The following IL1RAPL2 variants were observed in gnomAD, a reference collection of about 807,000 sequenced individuals.
IL1RAPL2 encodes X-linked interleukin-1 receptor accessory protein-like 2.
In IL1RAPL2, 3 loss-of-function variants were observed where a neutral mutation model predicts 44.1. The observed-to-expected ratio is 0.07, with a 90% confidence interval of 0.03 to 0.18. IL1RAPL2 has a LOEUF of 0.18. Ranked by LOEUF, IL1RAPL2 falls within the 10% of genes least tolerant of loss-of-function variation. IL1RAPL2 has a pLI of 1.00. For synonymous variants in IL1RAPL2, 181 were observed against 178.8 expected (o/e 1.01, Z -0.10); for missense variants, 391 against 496.4 (o/e 0.79, Z 2.02).
chrX:105,227,085 G>A (rs1297123275), intron 3 of IL1RAPL2, among the ~76,000 whole-genome samples: 1 of 73,803 alleles, frequency 1.4e-5, no homozygotes, highest in African/African-American at 5.2e-5. Context: ...GTGGGGGGAG[G>A]GGGGAGGGAT....
chrX:104,714,607 G>A (rs1201316409), intron 2 of IL1RAPL2, among the ~76,000 whole-genome samples: 1 of 111,301 alleles, frequency 9.0e-6, no homozygotes, highest in South Asian at 3.7e-4. Flanking sequence ...AAAGTATTCT[G>A]TCTTGCGTAT....
intron 1 of IL1RAPL2, among the ~76,000 whole-genome samples, chrX:104,625,590 A>G (rs1199842775): frequency 9.0e-6 from 1 of 111,193 alleles, no homozygotes; most frequent in Non-Finnish European, 1.9e-5. Flanking sequence ...TATCTGTGTC[A>G]GGCTCAGAAG....
intron 5 of IL1RAPL2, among the ~76,000 whole-genome samples, chrX:105,352,564 C>T (rs2035164569): frequency 9.1e-6 from 1 of 110,244 alleles, no homozygotes; most frequent in Admixed American, 9.8e-5. Context: ...AAAAGTGTTC[C>T]TATTTCTCCA....
chrX:105,700,341 A>T (rs2038109855), intron 6 of IL1RAPL2, among the ~76,000 whole-genome samples: 2 of 112,100 alleles, frequency 1.8e-5, no homozygotes, highest in African/African-American at 6.5e-5. Flanking sequence ...GAGTCATGTA[A>T]CCACTTCATT....
chrX:105,235,336 A>G (rs781831619), intron 4 of IL1RAPL2, among the ~76,000 whole-genome samples: 5 of 111,993 alleles, frequency 4.5e-5, no homozygotes, highest in African/African-American at 1.6e-4. Flanking sequence ...AACCACAGCA[A>G]TTGACACACT....
At chrX:104,608,120 A>C (rs1929057526) in intron 1 of IL1RAPL2, among the ~76,000 whole-genome samples, 1 of 111,096 alleles carries the variant, frequency 9.0e-6, no homozygotes, top group Non-Finnish European at 1.9e-5. Context: ...TCAGCAAACT[A>C]TCGCAAGGAC....
At chrX:105,406,253 T>C (rs1290857258) in intron 5 of IL1RAPL2, 1 of 1,095,663 alleles carries the variant, frequency 9.1e-7, no homozygotes, top group Non-Finnish European at 1.3e-6. Context: ...CAAAAGTGTC[T>C]GGGGAAATAA....
rs191210744 is a variant in IL1RAPL2 at position 104,822,471 on chromosome X, A to G, written c.82+163476A>G. ...CACTTTCAGTTTTCTGCATATGGCTAGCCAGTTTTCCCAACACCATTTAAT... is the reference window on the plus strand; with the variant it reads ...CACTTTCAGTTTTCTGCATATGGCTGGCCAGTTTTCCCAACACCATTTAAT... On this transcript the variant is annotated intron_variant, in intron 2 of 10. Transcript: ENST00000372582. Among the ~76,000 whole-genome samples, 359 of 112,010 alleles carry G rather than the reference A, an allele frequency of 3.2e-3. 2 individuals carry two copies. The highest frequency in any genetic ancestry group is 0.011 in the African/African-American group (341 of 30,816).
intron 6 of IL1RAPL2, among the ~76,000 whole-genome samples, chrX:105,578,251 C>T (rs1338183916): frequency 6.3e-5 from 7 of 110,797 alleles, no homozygotes; most frequent in Non-Finnish European, 1.1e-4. Flanking sequence ...TATTGTCTCA[C>T]ATTGGGGATA....
chrX:104,662,599 T>C (rs1930422342), intron 2 of IL1RAPL2, among the ~76,000 whole-genome samples: 1 of 111,601 alleles, frequency 9.0e-6, no homozygotes, highest in Non-Finnish European at 1.9e-5. Flanking sequence ...CACAGGTACC[T>C]AAAACTAATT....
chrX:105,280,828 G>C (rs1168496474), intron 5 of IL1RAPL2, among the ~76,000 whole-genome samples: 1 of 111,421 alleles, frequency 9.0e-6, no homozygotes, highest in Non-Finnish European at 1.9e-5. Flanking sequence ...CTCTTGGTGG[G>C]AGTGTAAATT....
At chrX:104,819,527 A>G (rs1056457840) in intron 2 of IL1RAPL2, among the ~76,000 whole-genome samples, 3 of 111,954 alleles carry the variant, frequency 2.7e-5, no homozygotes, top group Non-Finnish European at 5.6e-5. Flanking sequence ...TTTGATTATC[A>G]TATGGATGAA....
At chrX:105,525,596 T>C (rs1159066487) in intron 6 of IL1RAPL2, among the ~76,000 whole-genome samples, 1 of 111,503 alleles carries the variant, frequency 9.0e-6, no homozygotes, top group Non-Finnish European at 1.9e-5. Flanking sequence ...TCTTTTGTAA[T>C]CACAGTATTA....
chrX:105,406,693 G>A, intron 5 of IL1RAPL2: 3 of 1,167,049 alleles, frequency 2.6e-6, no homozygotes, highest in South Asian at 1.8e-5. Flanking sequence ...ACTTAACTGT[G>A]CAAATCTCCA....
intron 1 of IL1RAPL2, among the ~76,000 whole-genome samples, chrX:104,651,546 A>G (rs1222201705): frequency 8.9e-6 from 1 of 111,905 alleles, no homozygotes; most frequent in Non-Finnish European, 1.9e-5. Flanking sequence ...TGGTCCCTAC[A>G]CACTGTCAGC....
intron 2 of IL1RAPL2, among the ~76,000 whole-genome samples, chrX:105,155,889 G>A (rs1192186703): frequency 9.0e-6 from 1 of 111,377 alleles, no homozygotes; most frequent in African/African-American, 3.3e-5. Flanking sequence ...CATCCTTCAA[G>A]CTTCAGTGCT....
chrX:104,692,299 C>G (rs1291048536), intron 2 of IL1RAPL2, among the ~76,000 whole-genome samples: 1 of 110,061 alleles, frequency 9.1e-6, no homozygotes, highest in Non-Finnish European at 1.9e-5. Context: ...TACAATACAC[C>G]TTATTTTGCA....
At chrX:105,421,151 T>C (rs868346655) in intron 5 of IL1RAPL2, among the ~76,000 whole-genome samples, 6 of 111,500 alleles carry the variant, frequency 5.4e-5, no homozygotes, top group African/African-American at 1.6e-4. Context: ...AAGATGAACA[T>C]TGGTTCGGTT....
At chrX:105,607,253 A>G (rs1238102512) in intron 6 of IL1RAPL2, among the ~76,000 whole-genome samples, 1 of 110,776 alleles carries the variant, frequency 9.0e-6, no homozygotes, top group East Asian at 2.8e-4. Flanking sequence ...AAAAAGCCAT[A>G]CAGATAGTTT....
Sources: gnomAD v4.1 joint callset for allele counts (sites outside exome capture counted in the v4.1 genomes callset) on GRCh38, gnomAD v4.1.1 for gene constraint, MANE v1.5 for transcripts, NCBI Gene and HGNC (gene_info 2026-07-23, HGNC 2026-07-21) for gene names.